Variants in CDH18 observed in about 807,000 individuals in gnomAD.
CDH18 encodes cadherin-18.
A neutral mutation model predicts 67.9 loss-of-function variants in CDH18; 31 were observed. That is an observed-to-expected ratio of 0.46 (90% CI 0.34 to 0.62). The LOEUF (loss-of-function observed/expected upper bound fraction) is 0.62, where lower values mean the gene tolerates loss of function less well. Ranked by LOEUF, CDH18 falls within the 20% of genes least tolerant of loss-of-function variation. The probability of loss-of-function intolerance (pLI) is 0.01; values close to 1 mark genes in which losing one functional copy is unlikely to be tolerated. For missense variants in CDH18, 890 were observed against 975.5 expected (o/e 0.91, Z 1.17); for synonymous variants, 362 against 347.2 (o/e 1.04, Z -0.48).
chr5:20,132,256 T>C (rs1384188657), intron 2 of CDH18, among the ~76,000 whole-genome samples: 1 of 152,214 alleles, frequency 6.6e-6, no homozygotes, highest in Non-Finnish European at 1.5e-5. Flanking sequence ...AAAGTTATTA[T>C]AGCTATCTTA....
intron 5 of CDH18, among the ~76,000 whole-genome samples, chr5:19,660,244 C>A (rs1277705993): frequency 3.9e-5 from 6 of 151,948 alleles, no homozygotes; most frequent in South Asian, 4.1e-4. Context: ...GTTGAATAGG[C>A]AACATACGTG....
chr5:19,934,383 G>A (rs1314755126), intron 2 of CDH18, among the ~76,000 whole-genome samples: 1 of 151,118 alleles, frequency 6.6e-6, no homozygotes, highest in African/African-American at 2.4e-5. Flanking sequence ...CTCTTTTAGG[G>A]ATAATGACAA....
In CDH18 at chr5:19,687,719, G is replaced by A. The variant is rs78395349; in HGVS notation, c.643+33628C>T. ...TGCCGCCATCTCCAGAGCATGAAGC[G>A]TGTACTCTCCACAGCCTCAGAGCTG... On this transcript the variant is annotated intron_variant, in intron 5 of 12. Coordinates refer to ENST00000382275, the MANE Select transcript of CDH18 (RefSeq NM_004934.5). Among the ~76,000 whole-genome samples, 600 of 152,316 alleles carry A rather than the reference G, an allele frequency of 3.9e-3. 2 individuals are homozygous for A. The highest frequency in any genetic ancestry group is 0.014 in the African/African-American group (574 of 41,580).
chr5:19,961,063 T>C (rs578062595), intron 2 of CDH18, among the ~76,000 whole-genome samples: 2 of 151,342 alleles, frequency 1.3e-5, no homozygotes, highest in Non-Finnish European at 2.9e-5. Context: ...ATGGCTATGA[T>C]GTTACTAGGT....
At chr5:20,573,670 A>G (rs1758932072) in intron 1 of CDH18, among the ~76,000 whole-genome samples, 1 of 150,856 alleles carries the variant, frequency 6.6e-6, no homozygotes, top group Non-Finnish European at 1.5e-5. Context: ...CAAGGTTATA[A>G]TAGATTTAAA....
intron 1 of CDH18, among the ~76,000 whole-genome samples, chr5:20,523,226 T>C (rs1163647310): frequency 6.6e-6 from 1 of 152,198 alleles, no homozygotes; most frequent in African/African-American, 2.4e-5. Flanking sequence ...GAAAGCAAGT[T>C]TGCTCATGCA....
At chr5:20,081,990 G>T (rs897446635) in intron 2 of CDH18, among the ~76,000 whole-genome samples, 5 of 152,082 alleles carry the variant, frequency 3.3e-5, no homozygotes, top group African/African-American at 1.2e-4. Context: ...CATAATATTA[G>T]TCTAAATCAC....
At chr5:19,754,143 A>G (rs992687639) in intron 3 of CDH18, among the ~76,000 whole-genome samples, 4 of 152,182 alleles carry the variant, frequency 2.6e-5, no homozygotes, top group Non-Finnish European at 5.9e-5. Flanking sequence ...TTATGAATGG[A>G]ATGGTACCTC....
chr5:20,194,555 G>A (rs1373860656), intron 2 of CDH18, among the ~76,000 whole-genome samples: 1 of 152,084 alleles, frequency 6.6e-6, no homozygotes, highest in African/African-American at 2.4e-5. Context: ...TTCGTGGGTT[G>A]AGGCTCAAGA....
At chr5:19,695,477 T>A (rs891292452) in intron 5 of CDH18, among the ~76,000 whole-genome samples, 1 of 152,230 alleles carries the variant, frequency 6.6e-6, no homozygotes, top group African/African-American at 2.4e-5. Flanking sequence ...GTCTACTTTA[T>A]GTAAAATTTA....
At chr5:19,810,199 G>A (rs552396562) in intron 3 of CDH18, among the ~76,000 whole-genome samples, 254 of 151,856 alleles carry the variant, frequency 1.7e-3, no homozygotes, top group South Asian at 6.5e-3. Context: ...ACATGATGGC[G>A]CACACCTGTA....
At chr5:19,546,746 G>A (rs1216381641) in intron 8 of CDH18, among the ~76,000 whole-genome samples, 1 of 152,058 alleles carries the variant, frequency 6.6e-6, no homozygotes, top group African/African-American at 2.4e-5. Flanking sequence ...AACACACATG[G>A]CAGAAGATAT....
chr5:19,523,610 A>T (rs1747277286), intron 9 of CDH18, among the ~76,000 whole-genome samples: 1 of 152,126 alleles, frequency 6.6e-6, no homozygotes, highest in African/African-American at 2.4e-5. Flanking sequence ...AAGTAGGTTA[A>T]TCAAAATAAG....
chr5:20,266,516 G>C (rs958092830), intron 1 of CDH18, among the ~76,000 whole-genome samples: 4 of 148,448 alleles, frequency 2.7e-5, no homozygotes, highest in Non-Finnish European at 5.9e-5. Context: ...TGATTCTCTT[G>C]CCTCAGCCTC....
In CDH18 at chr5:20,280,982, GT is replaced by G. The variant is rs944558013; in HGVS notation, c.-579-25478del. 1.0e-3 allele frequency among the ~76,000 whole-genome samples: 155 copies of G among 152,172 alleles called. 1 individual carries two copies. The highest frequency in any genetic ancestry group is 3.6e-3 in the African/African-American group (149 of 41,544). ...AGTGATGATGAGCATTTTTTCATGT[GT>G]TTTTGGCTGCATAAATGTCTTCTTT... On this transcript the variant is annotated intron_variant, in intron 1 of 14. Coordinates refer to the CDH18 transcript ENST00000507958.
chr5:19,966,083 C>T (rs940444353), intron 2 of CDH18, among the ~76,000 whole-genome samples: 1 of 152,132 alleles, frequency 6.6e-6, no homozygotes, highest in Non-Finnish European at 1.5e-5. Flanking sequence ...TCGTACTATA[C>T]ACACTACTTT....
chr5:20,067,397 T>C (rs1743073263), intron 2 of CDH18, among the ~76,000 whole-genome samples: 1 of 151,534 alleles, frequency 6.6e-6, no homozygotes, highest in South Asian at 2.1e-4. Context: ...CGCTCATGTG[T>C]TGTGTTTTGA....
At chr5:20,407,080 C>T (rs1030480051) in intron 1 of CDH18, among the ~76,000 whole-genome samples, 1 of 152,120 alleles carries the variant, frequency 6.6e-6, no homozygotes, top group Admixed American at 6.6e-5. Flanking sequence ...ATGATGAGAT[C>T]CCATATACAC....
chr5:20,151,797 G>T (rs1341501008), intron 2 of CDH18, among the ~76,000 whole-genome samples: 1 of 151,890 alleles, frequency 6.6e-6, no homozygotes, highest in Non-Finnish European at 1.5e-5. Flanking sequence ...TTAATAAATA[G>T]TAATGCCTAT....
Sources: gnomAD v4.1 joint callset for allele counts (sites outside exome capture counted in the v4.1 genomes callset) on GRCh38, gnomAD v4.1.1 for gene constraint, MANE v1.5 for transcripts, NCBI Gene and HGNC (gene_info 2026-07-23, HGNC 2026-07-21) for gene names.